STXBP5L: variants seen among roughly 807,000 people sequenced by gnomAD.
STXBP5L encodes the protein syntaxin binding protein 5L.
Under a neutral mutation model 144.5 loss-of-function variants are expected in STXBP5L, and 65 were observed. That is an observed-to-expected ratio of 0.45 (90% CI 0.37 to 0.55). The LOEUF (loss-of-function observed/expected upper bound fraction) is 0.55. Ranked by LOEUF, STXBP5L falls within the 20% of genes least tolerant of loss-of-function variation. STXBP5L has a pLI of 0.00. For synonymous variants in STXBP5L, 505 were observed against 469.6 expected (o/e 1.08, Z -0.97); for missense variants, 1,298 against 1,405.5 (o/e 0.92, Z 1.22).
chr3:121,164,723 T>C (rs147489496), intron 9 of STXBP5L, among the ~76,000 whole-genome samples: 138 of 152,312 alleles, frequency 9.1e-4, no homozygotes, highest in African/African-American at 3.1e-3. Context: ...AGGAAAGATA[T>C]CCTGTCATTT....
At chr3:120,944,800 A>G (rs1710761235) in intron 2 of STXBP5L, among the ~76,000 whole-genome samples, 2 of 151,794 alleles carry the variant, frequency 1.3e-5, no homozygotes, top group African/African-American at 4.8e-5. Context: ...TGTCATATGC[A>G]TTATAGACCT....
chr3:121,382,075 T>A (rs867671461), intron 22 of STXBP5L, among the ~76,000 whole-genome samples: 6 of 152,092 alleles, frequency 3.9e-5, no homozygotes, highest in Non-Finnish European at 7.4e-5. Context: ...GCCAAGCATA[T>A]GTTGTATTCT....
intron 20 of STXBP5L, among the ~76,000 whole-genome samples, chr3:121,374,895 G>A (rs915878602): frequency 2.0e-5 from 3 of 152,042 alleles, no homozygotes; most frequent in Non-Finnish European, 4.4e-5. Flanking sequence ...GTTGCAGAAA[G>A]AGAAAAGAAG....
intron 2 of STXBP5L, among the ~76,000 whole-genome samples, chr3:120,912,636 AAGTT>A (rs1459794734): frequency 6.6e-6 from 1 of 151,806 alleles, no homozygotes; most frequent in Non-Finnish European, 1.5e-5. Flanking sequence ...AAAAAAAAAA[AAGTT>A]AATGCATTGG....
Position 121,052,387 on chromosome 3 carries a change from C to G in STXBP5L, c.470+6852C>G, listed in dbSNP as rs1032538716. The stretch of plus-strand genomic sequence containing the variant: ...CAGAATCCAGCAGCACATCAAAAAG[C>G]TTATCCACCATGATCAAGTGGGCTT... On this transcript the variant is annotated intron_variant, in intron 5 of 26. Coordinates refer to ENST00000471454, the MANE Select transcript of STXBP5L (RefSeq NM_001308330.2). 2.0e-5 allele frequency among the ~76,000 whole-genome samples: 3 copies of G among 152,114 alleles called. No homozygotes were observed. The South Asian group carries it at 6.2e-4, about 32-fold the overall frequency.
chr3:121,148,726 C>A (rs2045816981), intron 7 of STXBP5L, among the ~76,000 whole-genome samples: 1 of 152,010 alleles, frequency 6.6e-6, no homozygotes. Context: ...TTGGCAGTAT[C>A]TATTAAAGTT....
At chr3:120,997,903 A>C (rs645514) in intron 3 of STXBP5L, among the ~76,000 whole-genome samples, 121,467 of 152,122 alleles carry the variant, frequency 0.8, 48,972 homozygotes, top group Admixed American at 0.84. Flanking sequence ...TACACTTTAT[A>C]CCTAGAATGC....
intron 5 of STXBP5L, among the ~76,000 whole-genome samples, chr3:121,065,766 G>C (rs764218893): frequency 3.3e-5 from 5 of 151,902 alleles, no homozygotes; most frequent in Non-Finnish European, 7.4e-5. Context: ...TTTGTTGCAG[G>C]GTCTCACAAA....
At chr3:121,049,521 A>C in intron 5 of STXBP5L, 1 of 154,292 alleles carries the variant, frequency 6.5e-6, no homozygotes, top group Non-Finnish European at 1.5e-5. Flanking sequence ...GAGGGCAAAC[A>C]GGAGGGAGGG....
chr3:120,966,079 A>T (rs1023849256), intron 3 of STXBP5L, among the ~76,000 whole-genome samples: 1 of 152,118 alleles, frequency 6.6e-6, no homozygotes, highest in African/African-American at 2.4e-5. Context: ...TCAGCTTTTG[A>T]AGCTTGTGCA....
At chr3:121,099,751 A>G (rs2043317869) in intron 5 of STXBP5L, 1 of 152,582 alleles carries the variant, frequency 6.6e-6, no homozygotes. Context: ...AGGAATGTGG[A>G]AAAGCTTTCA....
At chr3:121,008,742 T>C (rs1288990737) in intron 3 of STXBP5L, among the ~76,000 whole-genome samples, 1 of 152,026 alleles carries the variant, frequency 6.6e-6, no homozygotes, top group East Asian at 1.9e-4. Flanking sequence ...TTTCATCTCC[T>C]TCATTGTCAA....
chr3:120,999,945 T>A (rs1943640387), intron 3 of STXBP5L, among the ~76,000 whole-genome samples: 1 of 152,222 alleles, frequency 6.6e-6, no homozygotes, highest in Non-Finnish European at 1.5e-5. Flanking sequence ...CCCCCAGTCT[T>A]TTCTAGCTTA....
At chr3:121,389,978 C>T (rs553489593) in intron 22 of STXBP5L, among the ~76,000 whole-genome samples, 1 of 152,278 alleles carries the variant, frequency 6.6e-6, no homozygotes, top group Admixed American at 6.5e-5. Context: ...CTAATGTTGA[C>T]AGTGGGGTGT....
intron 22 of STXBP5L, among the ~76,000 whole-genome samples, chr3:121,393,999 C>A (rs541545566): frequency 6.6e-6 from 1 of 152,250 alleles, no homozygotes; most frequent in South Asian, 2.1e-4. Context: ...TGTGTTGAAT[C>A]TGTAGATTGT....
intron 5 of STXBP5L, among the ~76,000 whole-genome samples, chr3:121,047,301 G>A (rs947212001): frequency 6.6e-6 from 1 of 152,028 alleles, no homozygotes; most frequent in African/African-American, 2.4e-5. Context: ...TATGTGCTAT[G>A]TACAGATAAG....
Position 121,419,144 on chromosome 3 carries a change from C to A in STXBP5L, c.*47C>A. On this transcript the variant is annotated 3_prime_UTR_variant, in exon 27 of 27. Transcript: ENST00000471454. ...CTTTGAGAAACCATATTCAGGGAAACCAAATTTATTCCCAGCATCACTACT... is the reference window on the plus strand; with the variant it reads ...CTTTGAGAAACCATATTCAGGGAAAACAAATTTATTCCCAGCATCACTACT... The A allele has an allele frequency of 3.2e-6, 5 of 1,572,874 alleles. No homozygotes were observed. The highest frequency in any genetic ancestry group is 4.3e-6 in the Non-Finnish European group (5 of 1,152,748).
intron 3 of STXBP5L, among the ~76,000 whole-genome samples, chr3:120,976,519 A>G (rs1008549303): frequency 2.6e-5 from 4 of 152,172 alleles, no homozygotes; most frequent in African/African-American, 7.2e-5. Flanking sequence ...TAATTTTTTG[A>G]AGGGTTTTTT....
At chr3:121,079,649 G>C (rs1207700789) in intron 5 of STXBP5L, among the ~76,000 whole-genome samples, 1 of 152,126 alleles carries the variant, frequency 6.6e-6, no homozygotes, top group Admixed American at 6.5e-5. Context: ...GGTTCCTTTT[G>C]GAGTTGATTT....
Sources: allele counts gnomAD v4.1 joint callset (sites outside exome capture counted in the v4.1 genomes callset), GRCh38; gene constraint gnomAD v4.1.1; transcripts MANE v1.5; gene names NCBI Gene and HGNC (gene_info 2026-07-23, HGNC 2026-07-21).